The following DLGAP2 variants were observed in gnomAD, a reference collection of about 807,000 sequenced individuals.
DLGAP2 encodes the protein DLG associated protein 2.
A neutral mutation model predicts 100.3 loss-of-function variants in DLGAP2; 26 were observed. That is an observed-to-expected ratio of 0.26 (90% CI 0.19 to 0.36). DLGAP2 has a LOEUF of 0.36. Among genes scored for constraint, DLGAP2 ranks in the 10% least tolerant of loss-of-function variants. The pLI, the probability that DLGAP2 is intolerant of heterozygous loss-of-function variation, is 1.00. For missense variants in DLGAP2, 1,858 were observed against 1,453.2 expected (o/e 1.28, Z -4.53); for synonymous variants, 886 against 630.1 (o/e 1.41, Z -6.08).
intron 6 of DLGAP2, among the ~76,000 whole-genome samples, chr8:1,590,333 A>G (rs1796254341): frequency 6.6e-6 from 1 of 152,212 alleles, no homozygotes; most frequent in Admixed American, 6.5e-5. Flanking sequence ...AGGATAATGA[A>G]GTATGCATAA....
At chr8:1,385,872 C>A (rs1383911764) in intron 3 of DLGAP2, among the ~76,000 whole-genome samples, 1 of 152,228 alleles carries the variant, frequency 6.6e-6, no homozygotes, top group Non-Finnish European at 1.5e-5. Context: ...CACAGTTACC[C>A]GGCCTGTGCC....
chr8:1,170,877 A>G (rs965450318), intron 2 of DLGAP2, among the ~76,000 whole-genome samples: 2 of 143,880 alleles, frequency 1.4e-5, no homozygotes, highest in East Asian at 2.0e-4. Context: ...TTGTGTCTCT[A>G]TTTCCTTCAG....
chr8:1,001,956 G>A (rs571851809), intron 2 of DLGAP2, among the ~76,000 whole-genome samples: 3 of 152,242 alleles, frequency 2.0e-5, no homozygotes, highest in African/African-American at 4.8e-5. Context: ...CATATGAACC[G>A]GGCGAATTGA....
intron 4 of DLGAP2, among the ~76,000 whole-genome samples, chr8:1,539,789 C>A (rs948017954): frequency 6.6e-6 from 1 of 152,194 alleles, no homozygotes; most frequent in Non-Finnish European, 1.5e-5. Context: ...ATGTGTGACA[C>A]ACCTCAGAGC....
At chr8:1,039,456 C>T (rs1401967549) in intron 2 of DLGAP2, among the ~76,000 whole-genome samples, 41 of 144,750 alleles carry the variant, frequency 2.8e-4, no homozygotes, top group Non-Finnish European at 5.3e-4. Context: ...GTGGTTGGCT[C>T]GGTATGCATG....
chr8:1,053,883 C>T (rs996056936), intron 2 of DLGAP2, among the ~76,000 whole-genome samples: 2 of 152,146 alleles, frequency 1.3e-5, no homozygotes, highest in African/African-American at 4.8e-5. Flanking sequence ...TTCTGCAGTG[C>T]TTTTAGAGCA....
chr8:1,136,312 C>G (rs1796411166), intron 2 of DLGAP2, among the ~76,000 whole-genome samples: 1 of 152,072 alleles, frequency 6.6e-6, no homozygotes, highest in African/African-American at 2.4e-5. Flanking sequence ...AAAAAAAACT[C>G]CCCTCCCATC....
intron 3 of DLGAP2, among the ~76,000 whole-genome samples, chr8:1,442,696 C>T (rs898144650): frequency 1.2e-4 from 18 of 145,864 alleles, no homozygotes; most frequent in African/African-American, 4.0e-4. Flanking sequence ...GTGGGTTCAT[C>T]CACTGGAGGA....
intron 3 of DLGAP2, among the ~76,000 whole-genome samples, chr8:1,459,889 T>G (rs1798426413): frequency 6.6e-6 from 1 of 152,114 alleles, no homozygotes. Context: ...TTTCACCATG[T>G]TGGTCAGGCT....
At chr8:1,576,966 A>T (rs1206485220) in intron 6 of DLGAP2, among the ~76,000 whole-genome samples, 1 of 152,218 alleles carries the variant, frequency 6.6e-6, no homozygotes, top group South Asian at 2.1e-4. Context: ...CGCCAAGACA[A>T]TCCTAAGCCA....
intron 1 of DLGAP2, among the ~76,000 whole-genome samples, chr8:823,604 A>G (rs1367419411): frequency 6.6e-6 from 1 of 152,092 alleles, no homozygotes; most frequent in Non-Finnish European, 1.5e-5. Flanking sequence ...AGAGCTCTGC[A>G]CAGACCCCTT....
At chr8:1,439,364 C>G (rs896256451) in intron 3 of DLGAP2, among the ~76,000 whole-genome samples, 2 of 152,180 alleles carry the variant, frequency 1.3e-5, no homozygotes, top group Non-Finnish European at 2.9e-5. Context: ...AATGACAGCA[C>G]AGTCATTGCC....
At position 746,468 on chromosome 8, in the gene DLGAP2, C is replaced by T. The variant is rs1412692142; in HGVS notation, c.18+8643C>T. On this transcript the variant is annotated intron_variant, in intron 1 of 14. Coordinates refer to ENST00000637795, the MANE Select transcript of DLGAP2 (RefSeq NM_001346810.2). ...CACAGGCCACGTCGGCAGGGGGGCT[C>T]CAGAGCTGGGGGCGCAGCCTCCACC... Among the ~76,000 whole-genome samples, 10 of 152,214 alleles carry T rather than the reference C, an allele frequency of 6.6e-5. No individual in the cohort carries two copies. The South Asian group carries it at 2.1e-3, about 31-fold the overall frequency.
chr8:1,303,414 A>G (rs565164380), intron 3 of DLGAP2, among the ~76,000 whole-genome samples: 39 of 151,404 alleles, frequency 2.6e-4, no homozygotes, highest in African/African-American at 8.0e-4. Flanking sequence ...AAAAAAAAAA[A>G]AAAAAAAAAA....
chr8:1,430,371 G>A lies in DLGAP2; in HGVS notation c.107-70995G>A, dbSNP rs1317477631. ...CTTAGCCACATTTACGTTGCATTGC[G>A]AATGTGTGGCTGTTTTCTCAAATAC... On this transcript the variant is annotated intron_variant, in intron 3 of 14. Transcript: ENST00000637795. Among the ~76,000 whole-genome samples the A allele has an allele frequency of 2.0e-5, 3 of 152,098 alleles. No individual in the cohort carries two copies. The East Asian group carries it at 5.8e-4, about 29-fold the overall frequency.
chr8:1,548,420 T>C (rs916557918), intron 4 of DLGAP2, among the ~76,000 whole-genome samples: 28 of 134,736 alleles, frequency 2.1e-4, no homozygotes, highest in African/African-American at 6.4e-4. Context: ...GATCGCGCCA[T>C]TGCACTCCAG....
At chr8:1,434,600 C>T (rs915477026) in intron 3 of DLGAP2, among the ~76,000 whole-genome samples, 38 of 152,164 alleles carry the variant, frequency 2.5e-4, no homozygotes, top group African/African-American at 7.0e-4. Context: ...CTTCAAGTTC[C>T]CGAGTAGCTG....
At chr8:781,487 A>T (rs1821685542) in intron 1 of DLGAP2, among the ~76,000 whole-genome samples, 1 of 151,964 alleles carries the variant, frequency 6.6e-6, no homozygotes, top group East Asian at 1.9e-4. Flanking sequence ...GCATTTTGAG[A>T]CTTGCTACAA....
intron 12 of DLGAP2, among the ~76,000 whole-genome samples, chr8:1,685,470 C>G (rs989018399): frequency 6.6e-6 from 1 of 152,218 alleles, no homozygotes; most frequent in Non-Finnish European, 1.5e-5. Flanking sequence ...AGATGCAGGT[C>G]ATAGACTGTG....
Sources: gnomAD v4.1 joint callset for allele counts (sites outside exome capture counted in the v4.1 genomes callset) on GRCh38, gnomAD v4.1.1 for gene constraint, MANE v1.5 for transcripts, NCBI Gene and HGNC (gene_info 2026-07-23, HGNC 2026-07-21) for gene names.